ZNF226: variants seen among roughly 807,000 people sequenced by gnomAD.
ZNF226 encodes the protein Kruppel-associated box protein.
Under a neutral mutation model 11.4 loss-of-function variants are expected in ZNF226, and 6 were observed. The observed-to-expected ratio is 0.53, with a 90% CI of 0.29 to 1.04. The LOEUF is 1.04. Among genes scored for constraint, ZNF226 ranks in the 50% least tolerant of loss-of-function variants. The pLI, the probability that ZNF226 is intolerant of heterozygous loss-of-function variation, is 0.08. For synonymous variants in ZNF226, 350 were observed against 322.8 expected (o/e 1.08, Z -0.90); for missense variants, 1,058 against 956.5 (o/e 1.11, Z -1.40).
chr19:44,192,474 A>G, the ZNF226 span, among the ~76,000 whole-genome samples: 2 of 152,248 alleles, frequency 1.3e-5, no homozygotes, highest in East Asian at 3.9e-4. Flanking sequence ...GCTTCCAAAA[A>G]CAAATGCAGA....
chr19:44,193,787 G>T, the ZNF226 span, among the ~76,000 whole-genome samples: 1 of 152,194 alleles, frequency 6.6e-6, no homozygotes, highest in Non-Finnish European at 1.5e-5. Flanking sequence ...AAGGAAACAA[G>T]CTTAGAGAGT....
At chr19:44,178,768 G>A (rs1186806645), downstream of ZNF226, among the ~76,000 whole-genome samples, 1 of 152,080 alleles carries the variant, frequency 6.6e-6, no homozygotes, top group Non-Finnish European at 1.5e-5. Flanking sequence ...AATGTAAGTA[G>A]CACATCAGTG....
chr19:44,172,024 T>C (rs560719331), intron 3 of ZNF226, 64 bp from the exon 4 acceptor site: 388 of 1,585,888 alleles, frequency 2.4e-4, no homozygotes, highest in Admixed American at 4.8e-4. Context: ...CCACCTGTTC[T>C]CAGTGTTACC....
chr19:44,189,042 C>T, the ZNF226 span, among the ~76,000 whole-genome samples: 1 of 152,168 alleles, frequency 6.6e-6, no homozygotes, highest in African/African-American at 2.4e-5. Flanking sequence ...AAGGTCATGA[C>T]ATTTGAGCAA....
the ZNF226 span, among the ~76,000 whole-genome samples, chr19:44,198,945 C>CA: frequency 6.6e-6 from 1 of 152,056 alleles, no homozygotes; most frequent in Non-Finnish European, 1.5e-5. Flanking sequence ...GCTGGGATTA[C>CA]AGACATGCCA....
chr19:44,177,754 G>T (rs903425719), downstream of ZNF226: 5 of 1,417,884 alleles, frequency 3.5e-6, no homozygotes, highest in African/African-American at 7.2e-5. Flanking sequence ...AGCTCCTCAT[G>T]TCCCAGTGGT....
chr19:44,186,372 T>C, the ZNF226 span, among the ~76,000 whole-genome samples: 1 of 152,076 alleles, frequency 6.6e-6, no homozygotes, highest in African/African-American at 2.4e-5. Flanking sequence ...CTTCTTAGAT[T>C]TCTTCTTTTA....
downstream of ZNF226, among the ~76,000 whole-genome samples, chr19:44,180,564 C>G (rs147817716): frequency 9.4e-4 from 143 of 152,268 alleles, 1 homozygote; most frequent in Middle Eastern, 3.4e-3. Context: ...AAAACTACCC[C>G]CTGTGGGCCC....
downstream of ZNF226, among the ~76,000 whole-genome samples, chr19:44,179,700 T>C (rs1441987215): frequency 1.3e-5 from 2 of 152,184 alleles, no homozygotes; most frequent in East Asian, 3.9e-4. Context: ...GCTTGTCTTT[T>C]CAAGTGCTTG....
chr19:44,179,939 T>C (rs1040859971), downstream of ZNF226, among the ~76,000 whole-genome samples: 11 of 151,256 alleles, frequency 7.3e-5, no homozygotes, highest in East Asian at 2.1e-3. Context: ...ATACAAAAAC[T>C]AGTCGGGTGA....
At chr19:44,168,532 A>G (rs1261683708) in intron 2 of ZNF226, among the ~76,000 whole-genome samples, 2 of 152,190 alleles carry the variant, frequency 1.3e-5, no homozygotes, top group Non-Finnish European at 2.9e-5. Context: ...ATGATTCCTC[A>G]GACTTTATTT....
rs377614893 is a variant in ZNF226 at position 44,177,054 on chromosome 19, C to T, written c.1792C>T (p.Arg598Cys). 4.1e-5 allele frequency: 66 copies of T among 1,612,464 alleles called. No homozygotes were observed. Among genetic ancestry groups the T allele is most frequent in the Admixed American group, 2.0e-4 (12 of 59,832 alleles). Residue 598 changes from arginine to cysteine, a missense_variant, in exon 6 of 6, where the codon CGT (arginine) becomes TGT (cysteine). Transcript: ENST00000337433. ...TGAAGAGTGTGGCAAGGGATTTAGT[C>T]GTAGAGCAGATCTTAAAATTCACTG... ...KCEECGKGFS[R>C]RADLKIHCRI...
Position 44,175,732 on chromosome 19 carries a change from A to G in ZNF226, c.470A>G (p.Asn157Ser), listed in dbSNP as rs769401601. The G allele has an allele frequency of 9.3e-6, 15 of 1,612,724 alleles. No individual in the cohort carries two copies. Among genetic ancestry groups the G allele is most frequent in the African/African-American group, 6.7e-5 (5 of 74,806 alleles). Residue 157 changes from asparagine (N) to serine (S), a missense_variant, in exon 6 of 6, where the codon AAT becomes AGT. Coordinates refer to ENST00000337433, the MANE Select transcript of ZNF226 (RefSeq NM_001032373.2). ...ATAGTAAATAAAGCAGATGGTCCCA[A>G]TAATACTGGGAATCCAGAGTTTCCT... ...NYIVNKADGP[N>S]NTGNPEFPIL...
At chr19:44,181,929 A>G (rs1350112507), downstream of ZNF226, among the ~76,000 whole-genome samples, 1 of 152,196 alleles carries the variant, frequency 6.6e-6, no homozygotes, top group Admixed American at 6.5e-5. Flanking sequence ...CCATGAGGAG[A>G]TACATCGCCA....
the ZNF226 span, among the ~76,000 whole-genome samples, chr19:44,189,347 T>C: frequency 1.3e-5 from 2 of 152,222 alleles, no homozygotes; most frequent in African/African-American, 4.8e-5. Flanking sequence ...TCATTGGGAA[T>C]TAGGTGAGAC....
intron 2 of ZNF226, among the ~76,000 whole-genome samples, chr19:44,168,906 G>A (rs138471905): frequency 0.013 from 1,902 of 145,954 alleles, 13 homozygotes; most frequent in Middle Eastern, 0.019. Flanking sequence ...ATTAGTTTAT[G>A]TGTTCTACTA....
the ZNF226 span, among the ~76,000 whole-genome samples, chr19:44,186,001 T>G: frequency 6.6e-6 from 1 of 152,138 alleles, no homozygotes; most frequent in Non-Finnish European, 1.5e-5. Flanking sequence ...CCCATTACCA[T>G]TTTTTGAAGA....
At chr19:44,196,198 C>A in the ZNF226 span, among the ~76,000 whole-genome samples, 1 of 152,138 alleles carries the variant, frequency 6.6e-6, no homozygotes, top group Non-Finnish European at 1.5e-5. Flanking sequence ...AAATTACTTG[C>A]GGCCTATTTA....
chr19:44,168,493 T>G (rs1367935526), intron 2 of ZNF226, among the ~76,000 whole-genome samples: 2 of 152,264 alleles, frequency 1.3e-5, no homozygotes, highest in Non-Finnish European at 2.9e-5. Flanking sequence ...GCACTTAGTT[T>G]TGGTTTCATT....
Sources: gnomAD v4.1 joint callset for allele counts (sites outside exome capture counted in the v4.1 genomes callset) on GRCh38, gnomAD v4.1.1 for gene constraint, MANE v1.5 for transcripts, NCBI Gene and HGNC (gene_info 2026-07-23, HGNC 2026-07-21) for gene names.